Variants in GIGYF2 observed in about 807,000 individuals in gnomAD.
The protein encoded by GIGYF2 is GRB10-interacting GYF protein 2.
In GIGYF2, 25 loss-of-function variants were observed where a neutral mutation model predicts 208.1. That is an observed-to-expected ratio of 0.12 (90% CI 0.09 to 0.17). GIGYF2 has a LOEUF of 0.17. GIGYF2 is among the 10% of genes least tolerant of loss of function. The pLI, the probability that GIGYF2 is intolerant of heterozygous loss-of-function variation, is 1.00. For synonymous variants in GIGYF2, 534 were observed against 543.8 expected (o/e 0.98, Z 0.25); for missense variants, 1,302 against 1,579.4 (o/e 0.82, Z 2.98).
chr2:232,733,212 GC>G (rs1390272921), intron 2 of GIGYF2, among the ~76,000 whole-genome samples: 1 of 149,604 alleles, frequency 6.7e-6, no homozygotes, highest in Non-Finnish European at 1.5e-5. Flanking sequence ...AGCCGTGATC[GC>G]GCCACTGTAC....
intron 2 of GIGYF2, among the ~76,000 whole-genome samples, chr2:232,707,285 C>T (rs1289124333): frequency 6.6e-6 from 1 of 152,132 alleles, no homozygotes; most frequent in Non-Finnish European, 1.5e-5. Flanking sequence ...GAGCTCTGGT[C>T]TCTTCAGTAT....
chr2:232,766,078 A>G, intron 8 of GIGYF2: 1 of 466,708 alleles, frequency 2.1e-6, no homozygotes, highest in East Asian at 7.0e-5. Context: ...TCAGAGGATA[A>G]TGGTCTTTCT....
intron 21 of GIGYF2, among the ~76,000 whole-genome samples, chr2:232,824,473 G>A (rs1559459127): frequency 1.3e-5 from 2 of 152,188 alleles, no homozygotes; most frequent in African/African-American, 2.4e-5. Flanking sequence ...CAGACCAGCC[G>A]CAACATTCCC....
chr2:232,716,456 G>A (rs367598737), intron 2 of GIGYF2, among the ~76,000 whole-genome samples: 68 of 140,242 alleles, frequency 4.8e-4, no homozygotes, highest in African/African-American at 1.7e-3. Context: ...TCGGCTCACT[G>A]CAACTTCCAC....
intron 28 of GIGYF2, among the ~76,000 whole-genome samples, chr2:232,850,689 G>T (rs1213427398): frequency 6.6e-6 from 1 of 152,136 alleles, no homozygotes; most frequent in Non-Finnish European, 1.5e-5. Context: ...TTCCCTGGAG[G>T]ATCCTGAGTA....
At chr2:232,812,987 C>T (rs1019472898) in intron 18 of GIGYF2, among the ~76,000 whole-genome samples, 36 of 137,880 alleles carry the variant, frequency 2.6e-4, no homozygotes, top group African/African-American at 9.1e-4. Context: ...GGCAACAGAG[C>T]AAAACTCTAA....
At position 232,844,152 on chromosome 2, in the gene GIGYF2, C is replaced by T. The variant is rs372418931; in HGVS notation, c.2996C>T (p.Thr999Met). 59 of 1,573,476 alleles carry T rather than the reference C, an allele frequency of 3.7e-5. No homozygotes were observed. The highest frequency in any genetic ancestry group is 2.6e-4 in the Admixed American group (14 of 53,858). The change falls in exon 24 of 29, where the codon ACG becomes ATG. Residue 999 changes from threonine (T) to methionine (M), a missense_variant. Physicochemically the swap from Thr to Met is moderately conservative, Grantham distance 81 (BLOSUM62 -1). Around this residue, in one of 8 missense-constraint regions of GIGYF2, gnomAD observed 701 missense variants for 793.0 expected, o/e 0.88. Coordinates refer to ENST00000373563, the MANE Select transcript of GIGYF2 (RefSeq NM_001103146.3). ...AATGTCAGCAAACCTTCAGGTACCACGAAATCTCTTCTGGAGATCCAGCAG... is the reference window on the plus strand; with the variant it reads ...AATGTCAGCAAACCTTCAGGTACCATGAAATCTCTTCTGGAGATCCAGCAG... ...WGNVSKPSGT[T>M]KSLLEIQQEE...
chr2:232,812,587 A>C (rs1357216821), intron 18 of GIGYF2, 96 bp downstream of exon 18: 7 of 682,474 alleles, frequency 1.0e-5, no homozygotes, highest in Non-Finnish European at 1.9e-5. Context: ...TAGGTTTCTG[A>C]ATCCATTTTG....
intron 2 of GIGYF2, chr2:232,724,573 G>A (rs1339858184): frequency 6.6e-6 from 1 of 150,816 alleles, no homozygotes; most frequent in Non-Finnish European, 1.5e-5. Context: ...TTTCCTTTTA[G>A]AGACTGTCTC....
At position 232,790,768 on chromosome 2, in the gene GIGYF2, T is replaced by C. The variant is rs778430964; in HGVS notation, c.783T>C (p.Asp261=). Residue 261 remains aspartate (D), a synonymous_variant, in exon 10 of 29, where the codon GAT becomes GAC. Coordinates refer to ENST00000373563, the MANE Select transcript of GIGYF2 (RefSeq NM_001103146.3). ...GGAGGTTTGAGTTTGATTTTCGAGA[T>C]AGAGATGATGAACGGGGTTACCGAA... ...RRRRFEFDFR[D]RDDERGYRRV... is the part of the protein sequence containing the mutation. 104 of 1,613,954 alleles carry C rather than the reference T, an allele frequency of 6.4e-5. No individual in the cohort carries two copies. The highest frequency in any genetic ancestry group is 8.3e-5 in the Non-Finnish European group (98 of 1,179,984).
At chr2:232,763,867 G>C (rs1373210522) in intron 8 of GIGYF2, among the ~76,000 whole-genome samples, 1 of 151,756 alleles carries the variant, frequency 6.6e-6, no homozygotes, top group African/African-American at 2.4e-5. Flanking sequence ...TGTGGTCTCT[G>C]TCTCTTTCTC....
intron 21 of GIGYF2, among the ~76,000 whole-genome samples, chr2:232,828,023 C>T (rs1014684947): frequency 4.6e-5 from 7 of 152,044 alleles, no homozygotes; most frequent in Non-Finnish European, 1.0e-4. Flanking sequence ...GGGTCTCACT[C>T]TGTCACCCAG....
intron 21 of GIGYF2, among the ~76,000 whole-genome samples, chr2:232,830,302 T>C (rs1271696014): frequency 6.6e-6 from 1 of 152,170 alleles, no homozygotes; most frequent in Non-Finnish European, 1.5e-5. Context: ...TGTTCTTTTT[T>C]TCGTTTTTAG....
intron 21 of GIGYF2, among the ~76,000 whole-genome samples, chr2:232,822,414 G>A (rs1701115477): frequency 1.3e-5 from 2 of 152,206 alleles, no homozygotes; most frequent in African/African-American, 4.8e-5. Context: ...TGGGTGCAGT[G>A]GCTCATGCCT....
At chr2:232,729,591 C>T (rs1254846451) in intron 2 of GIGYF2, 5 of 1,355,476 alleles carry the variant, frequency 3.7e-6, no homozygotes, top group Non-Finnish European at 5.1e-6. Flanking sequence ...ATCTGCTTCT[C>T]CAGCTTATCT....
intron 8 of GIGYF2, chr2:232,768,310 C>T: frequency 6.2e-7 from 1 of 1,614,174 alleles, no homozygotes; most frequent in East Asian, 2.2e-5. Flanking sequence ...AATTCAGGGA[C>T]AGTCTTGTCA....
intron 8 of GIGYF2, chr2:232,771,329 G>A: frequency 6.2e-7 from 1 of 1,612,874 alleles, no homozygotes. Context: ...TGACTTAGGA[G>A]AGGAGCAATA....
Position 232,790,855 on chromosome 2 carries a change from A to C in GIGYF2, c.870A>C (p.Leu290Phe). Residue 290 changes from leucine to phenylalanine, a missense_variant, in exon 10 of 29, where the codon TTA (leucine) becomes TTC (phenylalanine). Around this residue, in one of 8 missense-constraint regions of GIGYF2, gnomAD observed 6 missense variants for 21.5 expected, o/e 0.28. Transcript: ENST00000373563. ...DDRDSLPEWC[L>F]EDAEEEMGTF... is the part of the protein sequence containing the mutation. ...GGGATAGCTTGCCCGAATGGTGCTT[A>C]GAGGATGCTGAAGAAGAAATGGGTA... The C allele has an allele frequency of 6.2e-7, 1 of 1,614,168 alleles. No homozygotes were observed. Among genetic ancestry groups the C allele is most frequent in the Non-Finnish European group, 8.5e-7 (1 of 1,179,994 alleles).
intron 2 of GIGYF2, among the ~76,000 whole-genome samples, chr2:232,704,691 A>G (rs749624186): frequency 2.3e-4 from 34 of 149,086 alleles, no homozygotes; most frequent in Admixed American, 2.1e-3. Context: ...GCCACCACAT[A>G]TGGACTTCTT....
Sources: allele counts gnomAD v4.1 joint callset (sites outside exome capture counted in the v4.1 genomes callset), GRCh38; gene constraint gnomAD v4.1.1; regional missense constraint gnomAD v4.1.1; transcripts MANE v1.5; gene names NCBI Gene and HGNC (gene_info 2026-07-23, HGNC 2026-07-21).